Variants in KANSL1L observed in about 807,000 individuals in gnomAD.
KANSL1L encodes KAT8 regulatory NSL complex subunit 1-like protein.
KANSL1L carries 25 observed loss-of-function variants against 108.6 expected under a neutral mutation model. The ratio of observed to expected loss-of-function variants is 0.23; its 90% CI spans 0.17 to 0.32. KANSL1L has a LOEUF of 0.32. KANSL1L is among the 10% of genes least tolerant of loss of function. The probability of loss-of-function intolerance (pLI) is 1.00; values close to 1 mark genes in which losing one functional copy is unlikely to be tolerated. For missense variants in KANSL1L, 1,137 were observed against 1,125.7 expected (o/e 1.01, Z -0.14); for synonymous variants, 405 against 395.1 (o/e 1.03, Z -0.30).
At chr2:210,148,920 G>A (rs955242397) in intron 2 of KANSL1L, among the ~76,000 whole-genome samples, 14 of 151,764 alleles carry the variant, frequency 9.2e-5, no homozygotes, top group African/African-American at 3.4e-4. Context: ...AAATTTTAAG[G>A]TAAATATAAT....
intron 3 of KANSL1L, among the ~76,000 whole-genome samples, chr2:210,116,487 C>T (rs914176073): frequency 1.3e-5 from 2 of 152,128 alleles, no homozygotes; most frequent in Non-Finnish European, 2.9e-5. Context: ...TGACCCTGTG[C>T]AGTCCCAGTG....
chr2:210,156,150 T>C (rs926285850), intron 1 of KANSL1L, among the ~76,000 whole-genome samples: 1 of 152,070 alleles, frequency 6.6e-6, no homozygotes, highest in Non-Finnish European at 1.5e-5. Flanking sequence ...GATGATGACA[T>C]CCAAATGGTC....
At chr2:210,078,540 CACT>C (rs996110390) in intron 5 of KANSL1L, among the ~76,000 whole-genome samples, 2 of 152,146 alleles carry the variant, frequency 1.3e-5, no homozygotes, top group African/African-American at 4.8e-5. Flanking sequence ...ATGTTTATTT[CACT>C]ACTAATCAAT....
intron 6 of KANSL1L, among the ~76,000 whole-genome samples, 162 bp downstream of exon 6, chr2:210,075,387 GTAT>G (rs1368367779): frequency 2.6e-5 from 4 of 151,920 alleles, no homozygotes; most frequent in Admixed American, 2.6e-4. Context: ...GCCCACTTTA[GTAT>G]TATTAATATC....
intron 3 of KANSL1L, among the ~76,000 whole-genome samples, chr2:210,116,993 A>T (rs915587797): frequency 1.3e-5 from 2 of 152,200 alleles, no homozygotes; most frequent in African/African-American, 4.8e-5. Flanking sequence ...AATCTAAGGT[A>T]ACACAAGAAG....
chr2:210,152,804 C>G (rs1261661622), intron 2 of KANSL1L: 1 of 152,156 alleles, frequency 6.6e-6, no homozygotes, highest in Admixed American at 6.5e-5. Context: ...AATGAGGGCT[C>G]CCTATGTGCA....
chr2:210,085,704 T>G (rs2094630934), intron 5 of KANSL1L, among the ~76,000 whole-genome samples: 1 of 152,048 alleles, frequency 6.6e-6, no homozygotes, highest in South Asian at 2.1e-4. Context: ...ATAATTTTAG[T>G]GTCCGCATTT....
At chr2:210,106,110 G>A (rs1239408704) in intron 3 of KANSL1L, among the ~76,000 whole-genome samples, 1 of 152,154 alleles carries the variant, frequency 6.6e-6, no homozygotes, top group Non-Finnish European at 1.5e-5. Context: ...TTTTCTGAAG[G>A]TGAGAAGAAT....
chr2:210,024,148 T>C lies in KANSL1L; in HGVS notation c.2618A>G (p.Asn873Ser). 1 of 1,609,792 alleles carries C rather than the reference T, an allele frequency of 6.2e-7. No homozygotes were observed. Among genetic ancestry groups the C allele is most frequent in the South Asian group, 1.1e-5 (1 of 90,316 alleles). Residue 873 changes from asparagine (N) to serine (S), a missense_variant, in exon 14 of 15, where the codon AAT becomes AGT. Asn to Ser is a conservative substitution (Grantham distance 46). Coordinates refer to ENST00000281772, the MANE Select transcript of KANSL1L (RefSeq NM_152519.4). ...GQDLLLKEYP[N>S]NFSSSQQCAA... The stretch of plus-strand genomic sequence containing the variant: ...ACATTGCTGACTGCTACTGAAGTTA[T>C]TAGGGTATTCTTTCAAAAGCAAGTC...
At chr2:210,025,834 A>G (rs1030496719) in intron 12 of KANSL1L, among the ~76,000 whole-genome samples, 2 of 152,120 alleles carry the variant, frequency 1.3e-5, no homozygotes, top group East Asian at 3.9e-4. Context: ...CCCACCTCAA[A>G]AAACTTAAAA....
chr2:210,043,211 C>T (rs1051945376), intron 7 of KANSL1L, among the ~76,000 whole-genome samples: 5 of 151,784 alleles, frequency 3.3e-5, no homozygotes, highest in East Asian at 3.9e-4. Flanking sequence ...TATAGTGAGA[C>T]CCCATCTCTA....
intron 2 of KANSL1L, chr2:210,151,393 A>C (rs963415572): frequency 6.6e-6 from 1 of 152,224 alleles, no homozygotes; most frequent in Non-Finnish European, 1.5e-5. Flanking sequence ...ACAACAAAAA[A>C]ATTTACTGAA....
intron 6 of KANSL1L, among the ~76,000 whole-genome samples, chr2:210,055,569 A>AT (rs2094341320): frequency 6.6e-6 from 1 of 152,212 alleles, no homozygotes; most frequent in Non-Finnish European, 1.5e-5. Context: ...GAATTGCTGA[A>AT]TGGCTTTCAT....
intron 5 of KANSL1L, among the ~76,000 whole-genome samples, chr2:210,086,926 T>C (rs1374796801): frequency 2.0e-5 from 3 of 152,046 alleles, no homozygotes. Flanking sequence ...CAACTATATA[T>C]ATAGAATGTA....
chr2:210,061,460 T>G (rs897014081), intron 6 of KANSL1L, among the ~76,000 whole-genome samples: 8 of 152,242 alleles, frequency 5.3e-5, no homozygotes, highest in Admixed American at 2.0e-4. Flanking sequence ...AGAAGCATAT[T>G]ATGATCAGAT....
chr2:210,108,344 A>G (rs1017584346), intron 3 of KANSL1L, among the ~76,000 whole-genome samples: 2 of 152,216 alleles, frequency 1.3e-5, no homozygotes, highest in Admixed American at 6.5e-5. Context: ...GTAAGGTCAT[A>G]TAAGTTATTA....
chr2:210,028,822 T>C (rs2093974542), intron 11 of KANSL1L, 23 bp downstream of exon 11: 2 of 1,482,140 alleles, frequency 1.3e-6, no homozygotes, highest in Admixed American at 2.3e-5. Flanking sequence ...GGAAGAAAAA[T>C]ATGAAGATGT....
intron 14 of KANSL1L, among the ~76,000 whole-genome samples, chr2:210,023,524 T>C (rs1249573302): frequency 6.6e-6 from 1 of 152,208 alleles, no homozygotes; most frequent in African/African-American, 2.4e-5. Context: ...ACCTATTAAC[T>C]TTTTCTTTCC....
intron 6 of KANSL1L, among the ~76,000 whole-genome samples, chr2:210,070,898 G>A (rs1434772085): frequency 6.6e-6 from 1 of 152,066 alleles, no homozygotes; most frequent in African/African-American, 2.4e-5. Context: ...AGTGGCTCAC[G>A]CCTGTAATCC....
Sources: allele counts gnomAD v4.1 joint callset (sites outside exome capture counted in the v4.1 genomes callset), GRCh38; gene constraint gnomAD v4.1.1; transcripts MANE v1.5; gene names NCBI Gene and HGNC (gene_info 2026-07-23, HGNC 2026-07-21).